Variants in GBE1 observed in about 807,000 individuals in gnomAD.
GBE1 encodes 1,4-alpha-glucan branching enzyme 1.
In GBE1, 70 loss-of-function variants were observed where a neutral mutation model predicts 88.8. The observed-to-expected ratio is 0.79, with a 90% confidence interval of 0.65 to 0.96. The LOEUF is 0.96. Ranked by LOEUF, GBE1 falls within the 40% of genes least tolerant of loss-of-function variation. GBE1 has a pLI of 0.00. For synonymous variants in GBE1, 284 were observed against 300.1 expected (o/e 0.95, Z 0.56); for missense variants, 872 against 871.0 (o/e 1.00, Z -0.01).
chr3:81,605,954 C>T (rs932383473), intron 7 of GBE1, among the ~76,000 whole-genome samples: 5 of 152,168 alleles, frequency 3.3e-5, no homozygotes, highest in African/African-American at 4.8e-5. Context: ...CATATGCCCA[C>T]ACAGCTGGCC....
chr3:81,684,417 G>A (rs928159958), intron 2 of GBE1, among the ~76,000 whole-genome samples: 14 of 152,148 alleles, frequency 9.2e-5, no homozygotes, highest in Admixed American at 7.9e-4. Flanking sequence ...CTAAGATCAG[G>A]GTGGCAGCAC....
intron 1 of GBE1, among the ~76,000 whole-genome samples, chr3:81,747,424 T>TC (rs1349182425): frequency 3.3e-5 from 5 of 152,218 alleles, no homozygotes; most frequent in African/African-American, 4.8e-5. Context: ...CTCAAGCCTG[T>TC]CATCCCAGCA....
At chr3:81,573,116 A>T (rs1294808949) in intron 12 of GBE1, among the ~76,000 whole-genome samples, 2 of 152,220 alleles carry the variant, frequency 1.3e-5, no homozygotes, top group Non-Finnish European at 2.9e-5. Context: ...ATAATGTCAC[A>T]TAACCATTAA....
chr3:81,748,158 C>G (rs1706444605), intron 1 of GBE1, among the ~76,000 whole-genome samples: 1 of 151,904 alleles, frequency 6.6e-6, no homozygotes, highest in Admixed American at 6.6e-5. Flanking sequence ...AAAAATCAAT[C>G]CAGTTAGAAA....
chr3:81,571,123 A>G (rs1703567789), intron 12 of GBE1, among the ~76,000 whole-genome samples: 1 of 152,200 alleles, frequency 6.6e-6, no homozygotes, highest in African/African-American at 2.4e-5. Context: ...ATAGGAAAAG[A>G]GACAGAATTC....
intron 2 of GBE1, among the ~76,000 whole-genome samples, chr3:81,704,968 T>C (rs988766816): frequency 5.9e-5 from 9 of 151,988 alleles, no homozygotes; most frequent in African/African-American, 9.7e-5. Context: ...AAAAAAGAAA[T>C]GAGTGATGGA....
chr3:81,566,811 A>G (rs1436806959), intron 12 of GBE1, among the ~76,000 whole-genome samples: 4 of 152,136 alleles, frequency 2.6e-5, no homozygotes, highest in Non-Finnish European at 5.9e-5. Flanking sequence ...GGACTTCTGT[A>G]TAAACATTTA....
At chr3:81,531,532 G>A (rs544184789) in intron 14 of GBE1, among the ~76,000 whole-genome samples, 2 of 151,984 alleles carry the variant, frequency 1.3e-5, no homozygotes, top group East Asian at 2.0e-4. Context: ...GTGTTCCTCC[G>A]TCATTAATTA....
chr3:81,547,113 G>A (rs1043779063), intron 12 of GBE1, among the ~76,000 whole-genome samples: 3 of 151,480 alleles, frequency 2.0e-5, no homozygotes, highest in Admixed American at 2.0e-4. Flanking sequence ...CTTTCGGCAC[G>A]TGGGGTGCAT....
At chr3:81,730,082 G>T (rs566047077) in intron 1 of GBE1, among the ~76,000 whole-genome samples, 5 of 152,166 alleles carry the variant, frequency 3.3e-5, no homozygotes, top group South Asian at 2.1e-4. Context: ...CTTATCCTTT[G>T]TCAATTGCTG....
intron 7 of GBE1, among the ~76,000 whole-genome samples, chr3:81,626,512 T>C (rs1054037819): frequency 6.6e-6 from 1 of 152,126 alleles, no homozygotes; most frequent in African/African-American, 2.4e-5. Flanking sequence ...GAACTGATTT[T>C]AGACCAGCGA....
chr3:81,605,039 AGCTCATATT>A (rs887280515), intron 7 of GBE1, among the ~76,000 whole-genome samples: 2 of 152,168 alleles, frequency 1.3e-5, no homozygotes, highest in African/African-American at 2.4e-5. Flanking sequence ...AGTGAGAGTA[AGCTCATATT>A]GGTGAATGTA....
At chr3:81,561,368 C>T (rs1165117380) in intron 12 of GBE1, among the ~76,000 whole-genome samples, 1 of 151,968 alleles carries the variant, frequency 6.6e-6, no homozygotes, top group Non-Finnish European at 1.5e-5. Flanking sequence ...TTACCTGAAA[C>T]AATGGAACAG....
At chr3:81,739,249 T>C (rs1370739173) in intron 1 of GBE1, among the ~76,000 whole-genome samples, 2 of 152,122 alleles carry the variant, frequency 1.3e-5, no homozygotes, top group Non-Finnish European at 2.9e-5. Flanking sequence ...AGCTAGGATT[T>C]GAACTCAGGC....
chr3:81,623,260 A>C (rs1704356947), intron 7 of GBE1, among the ~76,000 whole-genome samples: 1 of 152,000 alleles, frequency 6.6e-6, no homozygotes, highest in Non-Finnish European at 1.5e-5. Flanking sequence ...CACCAACCCC[A>C]CTGCCCCTGC....
intron 1 of GBE1, among the ~76,000 whole-genome samples, chr3:81,750,524 CATATATATATATACGT>C (rs1340873417): frequency 4.3e-5 from 4 of 93,880 alleles, no homozygotes; most frequent in East Asian, 1.1e-3. Flanking sequence ...TCAAAACATT[CATATATATATATACGT>C]ATATATATAT....
intron 14 of GBE1, among the ~76,000 whole-genome samples, chr3:81,510,411 C>T (rs1393292266): frequency 6.6e-6 from 1 of 151,968 alleles, no homozygotes; most frequent in Non-Finnish European, 1.5e-5. Context: ...AATCACAGTA[C>T]AGGTCTCACT....
At chr3:81,600,900 T>A (rs990524131) in intron 7 of GBE1, among the ~76,000 whole-genome samples, 7 of 151,860 alleles carry the variant, frequency 4.6e-5, no homozygotes, top group Non-Finnish European at 1.0e-4. Flanking sequence ...AAAAAATGAA[T>A]GGTGTGTGTG....
intron 7 of GBE1, chr3:81,613,017 G>A: frequency 1.7e-6 from 1 of 593,444 alleles, no homozygotes. Context: ...TAAGGATGAA[G>A]GTGAAGAAGA....
Sources: allele counts gnomAD v4.1 joint callset (sites outside exome capture counted in the v4.1 genomes callset), GRCh38; gene constraint gnomAD v4.1.1; transcripts MANE v1.5; gene names NCBI Gene and HGNC (gene_info 2026-07-23, HGNC 2026-07-21).